The following ATRX variants were observed in gnomAD, a reference collection of about 807,000 sequenced individuals.
The protein encoded by ATRX is chromatin remodeler ATRX.
In ATRX, 12 loss-of-function variants were observed where a neutral mutation model predicts 172.6. The ratio of observed to expected loss-of-function variants is 0.07; its 90% CI spans 0.04 to 0.11. The LOEUF is 0.11. Ranked by LOEUF, ATRX falls within the 10% of genes least tolerant of loss-of-function variation. The pLI, the probability that ATRX is intolerant of heterozygous loss-of-function variation, is 1.00. For missense variants in ATRX, 1,368 were observed against 1,767.4 expected (o/e 0.77, Z 4.05); for synonymous variants, 674 against 594.7 (o/e 1.13, Z -1.94).
intron 1 of ATRX, among the ~76,000 whole-genome samples, chrX:77,770,515 T>A (rs1228558319): frequency 1.8e-5 from 2 of 111,915 alleles, no homozygotes; most frequent in African/African-American, 3.2e-5. Flanking sequence ...ACAGAGGCAC[T>A]GAAAACAACA....
chrX:77,735,825 T>C (rs1557178763), intron 1 of ATRX, among the ~76,000 whole-genome samples: 3 of 95,357 alleles, frequency 3.1e-5, no homozygotes. Context: ...AATAAATAAA[T>C]AAATAAATAA....
chrX:77,513,352 G>T (rs1557037608), intron 34 of ATRX, among the ~76,000 whole-genome samples: 1 of 108,795 alleles, frequency 9.2e-6, no homozygotes, highest in East Asian at 2.9e-4. Flanking sequence ...GAATAATGGG[G>T]TTGGGCAAGA....
intron 27 of ATRX, among the ~76,000 whole-genome samples, chrX:77,585,678 T>C (rs1557076588): frequency 1.0e-5 from 1 of 95,770 alleles, no homozygotes; most frequent in Non-Finnish European, 2.0e-5. Context: ...AATCGGTATA[T>C]CGAAGACATA....
chrX:77,720,042 A>T (rs1210460100), intron 1 of ATRX, among the ~76,000 whole-genome samples: 1 of 112,178 alleles, frequency 8.9e-6, no homozygotes, highest in African/African-American at 3.2e-5. Context: ...AAACCGCACA[A>T]CTACATGGAA....
Position 77,726,372 on chromosome X carries a change from G to A in ATRX, c.21-9129C>T, listed in dbSNP as rs192124524. Among the ~76,000 whole-genome samples, 10 of 104,090 alleles carry A rather than the reference G, an allele frequency of 9.6e-5. No homozygotes were observed. The Admixed American group carries it at 1.1e-3, about 11-fold the overall frequency. 90.4% of individuals were successfully genotyped at this position (104,090 alleles called of 115,157 possible). ...ATCATTCTCAGCAAACTATCGCAAG[G>A]ACAAAAAACCAAACACCGCATGTTC... is the stretch of plus-strand genomic sequence containing the variant. On this transcript the variant is annotated intron_variant, in intron 1 of 34. Coordinates refer to ENST00000373344, the MANE Select transcript of ATRX (RefSeq NM_000489.6).
At chrX:77,564,906 A>G (rs2065145052) in intron 28 of ATRX, among the ~76,000 whole-genome samples, 1 of 111,970 alleles carries the variant, frequency 8.9e-6, no homozygotes, top group Non-Finnish European at 1.9e-5. Context: ...TAACCAAGTT[A>G]TAACAAGGCA....
chrX:77,522,160 T>A, intron 32 of ATRX, 103 bp downstream of exon 32: 1 of 1,068,586 alleles, frequency 9.4e-7, no homozygotes, highest in Non-Finnish European at 1.3e-6. Context: ...TCAGGGGTAA[T>A]CTTTTGGAGA....
At chrX:77,646,823 G>T (rs902527489) in intron 15 of ATRX, among the ~76,000 whole-genome samples, 2 of 108,781 alleles carry the variant, frequency 1.8e-5, no homozygotes, top group African/African-American at 3.4e-5. Flanking sequence ...CTCAAGGGGC[G>T]GAGGCAGGAG....
chrX:77,621,870 AAAAAACTAATATTTTGT>A (rs1179430564), intron 19 of ATRX, among the ~76,000 whole-genome samples: 1 of 110,228 alleles, frequency 9.1e-6, no homozygotes, highest in African/African-American at 3.4e-5. Flanking sequence ...CAACAACAAA[AAAAAACTAATATTTTGT>A]AAAACTAAAA....
At chrX:77,573,737 T>A (rs186815393) in intron 28 of ATRX, among the ~76,000 whole-genome samples, 41 of 111,727 alleles carry the variant, frequency 3.7e-4, no homozygotes, top group Non-Finnish European at 3.2e-4. Flanking sequence ...AATTGTACAG[T>A]CACTTTGGAA....
At chrX:77,634,906 C>G (rs981637424) in intron 16 of ATRX, among the ~76,000 whole-genome samples, 14 of 111,803 alleles carry the variant, frequency 1.3e-4, no homozygotes, top group African/African-American at 4.6e-4. Flanking sequence ...AACAGGGGGA[C>G]TTTCCTTCAT....
At chrX:77,775,096 C>A (rs1401084930) in intron 1 of ATRX, among the ~76,000 whole-genome samples, 1 of 110,739 alleles carries the variant, frequency 9.0e-6, no homozygotes, top group African/African-American at 3.3e-5. Context: ...TTCCTAGTTT[C>A]GAGAAATATG....
chrX:77,550,599 T>C (rs1417290831), intron 30 of ATRX, among the ~76,000 whole-genome samples: 6 of 111,403 alleles, frequency 5.4e-5, no homozygotes, highest in African/African-American at 2.0e-4. Context: ...CAACATAGTG[T>C]TGGAAGTTCT....
chrX:77,748,807 G>A (rs960101336), intron 1 of ATRX, among the ~76,000 whole-genome samples: 6 of 110,253 alleles, frequency 5.4e-5, no homozygotes, highest in Middle Eastern at 4.7e-3. Context: ...GGCTGGTCTC[G>A]AACTCCTGAC....
chrX:77,636,994 GAGGAGGA>G (rs1430626016), intron 15 of ATRX, among the ~76,000 whole-genome samples: 2 of 101,650 alleles, frequency 2.0e-5, no homozygotes, highest in Non-Finnish European at 2.0e-5. Flanking sequence ...AAGAAGGAAG[GAGGAGGA>G]AGGAGGAAGA....
chrX:77,633,151 T>C (rs1370511251), intron 19 of ATRX, 56 bp downstream of exon 19: 8 of 1,093,040 alleles, frequency 7.3e-6, no homozygotes, highest in Middle Eastern at 2.6e-4. Context: ...TGTTAAAATA[T>C]AAACACATTT....
At chrX:77,705,155 T>G (rs1329121730) in intron 2 of ATRX, among the ~76,000 whole-genome samples, 1 of 111,340 alleles carries the variant, frequency 9.0e-6, no homozygotes, top group African/African-American at 3.3e-5. Context: ...AGCCGCAGTT[T>G]GGGAGACTGC....
rs200045391 is a variant in ATRX, at chrX:77,735,598, CTAAATAAA to C, written c.21-18363_21-18356del. ...CAGAGCAAGACTCCGTCTCAAAAAACTAAATAAATAAATAAATAAATAAATAAATAAAT... is the reference window on the plus strand; with the variant it reads ...CAGAGCAAGACTCCGTCTCAAAAAACTAAATAAATAAATAAATAAATAAAT... On this transcript the variant is annotated intron_variant, in intron 1 of 34. Transcript: ENST00000373344. Among the ~76,000 whole-genome samples, 311 of 60,082 alleles carry C rather than the reference CTAAATAAA, an allele frequency of 5.2e-3. 18 individuals carry two copies. Among genetic ancestry groups the C allele is most frequent in the Middle Eastern group, 0.016 (2 of 122 alleles). The allele number at this position is 60,082 out of a possible 115,157, so 52.2% of individuals were successfully genotyped here.
At chrX:77,767,255 G>C (rs1281482610) in intron 1 of ATRX, among the ~76,000 whole-genome samples, 1 of 107,833 alleles carries the variant, frequency 9.3e-6, no homozygotes. Context: ...GAGAGGGAGA[G>C]AGGGAGAGAG....
Sources: gnomAD v4.1 joint callset for allele counts (sites outside exome capture counted in the v4.1 genomes callset) on GRCh38, gnomAD v4.1.1 for gene constraint, MANE v1.5 for transcripts, NCBI Gene and HGNC (gene_info 2026-07-23, HGNC 2026-07-21) for gene names.